Variants in DPP6 observed in about 807,000 individuals in gnomAD.
The protein encoded by DPP6 is dipeptidyl peptidase like 6.
A neutral mutation model predicts 122.6 loss-of-function variants in DPP6; 69 were observed. The observed-to-expected ratio is 0.56, with a 90% CI of 0.46 to 0.69. DPP6 has a LOEUF of 0.69. DPP6 is among the 30% of genes least tolerant of loss of function. The probability of loss-of-function intolerance (pLI) is 0.00; values close to 1 mark genes in which losing one functional copy is unlikely to be tolerated. For missense variants in DPP6, 928 were observed against 1,116.9 expected, an observed-to-expected ratio of 0.83 and a Z score of 2.41; for synonymous variants, 418 against 433.1, an observed-to-expected ratio of 0.97 and a Z score of 0.43.
intron 8 of DPP6, among the ~76,000 whole-genome samples, chr7:154,761,288 T>C (rs535105093): frequency 1.3e-5 from 2 of 152,326 alleles, no homozygotes; most frequent in Non-Finnish European, 2.9e-5. Flanking sequence ...CAGGTCTTGC[T>C]CACTCACGCG....
At chr7:154,777,854 C>G (rs576990304) in intron 10 of DPP6, among the ~76,000 whole-genome samples, 1 of 152,112 alleles carries the variant, frequency 6.6e-6, no homozygotes, top group East Asian at 1.9e-4. Flanking sequence ...CTCCACCACC[C>G]GCTTCCACGG....
chr7:154,595,957 AG>A (rs1833067196), intron 5 of DPP6, among the ~76,000 whole-genome samples: 2 of 152,192 alleles, frequency 1.3e-5, no homozygotes, highest in Non-Finnish European at 2.9e-5. Flanking sequence ...GCTACTCAGG[AG>A]GCTGAGGCAG....
chr7:154,023,322 A>ACG (rs1798802124), intron 1 of DPP6, among the ~76,000 whole-genome samples: 13 of 89,528 alleles, frequency 1.5e-4, no homozygotes, highest in South Asian at 3.7e-4. Context: ...TTGTCTGCAC[A>ACG]CACACACACA....
chr7:154,487,703 A>C (rs60932653), intron 3 of DPP6, among the ~76,000 whole-genome samples: 13,606 of 152,242 alleles, frequency 0.089, 1,824 homozygotes, highest in African/African-American at 0.29. Context: ...ACACGATGAT[A>C]TTCACATGAG....
intron 5 of DPP6, among the ~76,000 whole-genome samples, chr7:154,627,000 C>CTTTTTTTTTTTTTTTTTTTTTTTTT (rs552919287): frequency 1.9e-5 from 1 of 52,092 alleles, no homozygotes; most frequent in Non-Finnish European, 3.4e-5. Context: ...GAAATTTTTT[C>CTTTTTTTTTTTTTTTTTTTTTTTTT]TTTTTTTTTT....
chr7:154,061,704 G>C lies in DPP6; in HGVS notation c.243+8641G>C, dbSNP rs1416650937. On this transcript the variant is annotated intron_variant, in intron 1 of 25. Coordinates refer to ENST00000377770, the MANE Select transcript of DPP6 (RefSeq NM_130797.4). ...TCTTGGGACCACCATCGCAGGGGGGGAGGCAATCCCCGCGAGGCGGGGACT... is the reference window on the plus strand; with the variant it reads ...TCTTGGGACCACCATCGCAGGGGGGCAGGCAATCCCCGCGAGGCGGGGACT... Among the ~76,000 whole-genome samples, 113 of 87,170 alleles carry C rather than the reference G, an allele frequency of 1.3e-3. 4 individuals are homozygous for C. Among genetic ancestry groups the C allele is most frequent in the East Asian group, 3.6e-3 (8 of 2,246 alleles). The allele number at this position is 87,170 out of a possible 152,430, so 57.2% of individuals were successfully genotyped here. A position where few individuals can be genotyped will look rare whatever the true frequency, so the allele number is the denominator to read the frequency against.
At chr7:154,319,769 G>C (rs970265293) in intron 1 of DPP6, among the ~76,000 whole-genome samples, 1 of 151,712 alleles carries the variant, frequency 6.6e-6, no homozygotes, top group African/African-American at 2.4e-5. Context: ...GAGGTGGGCA[G>C]ATCACGAGGT....
intron 6 of DPP6, among the ~76,000 whole-genome samples, chr7:154,666,038 C>A (rs1170826545): frequency 1.3e-5 from 2 of 152,008 alleles, no homozygotes; most frequent in Non-Finnish European, 2.9e-5. Context: ...CTATTTCCAC[C>A]TATACCCTAT....
At chr7:154,644,787 C>T (rs994752127) in intron 6 of DPP6, among the ~76,000 whole-genome samples, 8 of 150,102 alleles carry the variant, frequency 5.3e-5, no homozygotes, top group Non-Finnish European at 1.0e-4. Flanking sequence ...CGGCTCACTT[C>T]ACCCTCCACC....
At chr7:153,802,360 T>C in the DPP6 span, among the ~76,000 whole-genome samples, 1 of 152,160 alleles carries the variant, frequency 6.6e-6, no homozygotes, top group Non-Finnish European at 1.5e-5. Context: ...CTATAACGAG[T>C]CACCTTGAGC....
chr7:154,806,682 G>A (rs968557766), intron 15 of DPP6, among the ~76,000 whole-genome samples: 1 of 152,346 alleles, frequency 6.6e-6, no homozygotes, highest in East Asian at 1.9e-4. Context: ...AACACTGACA[G>A]CTCCATGCTC....
chr7:154,468,746 C>T (rs1437142633), intron 2 of DPP6, among the ~76,000 whole-genome samples: 3 of 152,148 alleles, frequency 2.0e-5, no homozygotes, highest in Admixed American at 1.3e-4. Context: ...CTGAATAATG[C>T]TGATGACTTA....
At chr7:154,421,260 G>A (rs10256990) in intron 1 of DPP6, among the ~76,000 whole-genome samples, 6,252 of 151,802 alleles carry the variant, frequency 0.041, 404 homozygotes, top group African/African-American at 0.14. Flanking sequence ...CTGCCATACT[G>A]TCTTTGGCCC....
At chr7:154,681,367 A>AT (rs1839269035) in intron 7 of DPP6, among the ~76,000 whole-genome samples, 1 of 152,240 alleles carries the variant, frequency 6.6e-6, no homozygotes, top group Non-Finnish European at 1.5e-5. Flanking sequence ...TATCAAATAG[A>AT]ATTTAAAGCA....
chr7:154,668,375 C>T (rs927279135), intron 6 of DPP6, among the ~76,000 whole-genome samples: 6 of 150,562 alleles, frequency 4.0e-5, no homozygotes, highest in East Asian at 2.0e-4. Context: ...CACCCGCCAC[C>T]GCGCCCGACT....
chr7:153,911,707 A>G (rs1239472417), intron 1 of DPP6, among the ~76,000 whole-genome samples: 1 of 152,230 alleles, frequency 6.6e-6, no homozygotes, highest in Non-Finnish European at 1.5e-5. Context: ...GGTCAACAGA[A>G]ACTGCTTCTG....
At chr7:153,800,573 G>A in the DPP6 span, among the ~76,000 whole-genome samples, 1 of 152,108 alleles carries the variant, frequency 6.6e-6, no homozygotes, top group African/African-American at 2.4e-5. Context: ...CTGGAATGTA[G>A]CGGCACCATC....
Position 154,210,341 on chromosome 7 carries a change from C to T in DPP6, c.243+157278C>T, listed in dbSNP as rs117183193. Among the ~76,000 whole-genome samples, 1,254 of 152,244 alleles carry T rather than the reference C, an allele frequency of 8.2e-3. 5 individuals are homozygous for T. Among genetic ancestry groups the T allele is most frequent in the Non-Finnish European group, 0.014 (941 of 68,024 alleles). On this transcript the variant is annotated intron_variant, in intron 1 of 25. Coordinates refer to ENST00000377770, the MANE Select transcript of DPP6 (RefSeq NM_130797.4). ...CTTTCCAGTGACCTGCCACGGTGCC[C>T]AAAATTCTCTCATCCAACACTGTGT...
intron 1 of DPP6, chr7:154,305,680 A>G (rs962607802): frequency 4.9e-5 from 68 of 1,375,736 alleles, no homozygotes; most frequent in Middle Eastern, 2.3e-4. Flanking sequence ...TGTATTTTGT[A>G]TTGGTTTATG....
Sources: allele counts gnomAD v4.1 joint callset (sites outside exome capture counted in the v4.1 genomes callset), GRCh38; gene constraint gnomAD v4.1.1; transcripts MANE v1.5; gene names NCBI Gene and HGNC (gene_info 2026-07-23, HGNC 2026-07-21).